Variants in HAO1 observed in about 807,000 individuals in gnomAD.
The protein encoded by HAO1 is hydroxyacid oxidase 1.
HAO1 carries 34 observed loss-of-function variants against 39.7 expected under a neutral mutation model. The ratio of observed to expected loss-of-function variants is 0.86; its 90% confidence interval spans 0.65 to 1.14. The LOEUF (loss-of-function observed/expected upper bound fraction) is 1.14. Ranked by LOEUF, HAO1 falls within the 50% of genes most tolerant of loss-of-function variation. HAO1 has a pLI of 0.00. For synonymous variants in HAO1, 172 were observed against 173.2 expected, an observed-to-expected ratio of 0.99 and a Z score of 0.05; for missense variants, 479 against 464.5, an observed-to-expected ratio of 1.03 and a Z score of -0.29.
chr20:7,891,046 C>G (rs573231353), intron 5 of HAO1, among the ~76,000 whole-genome samples: 1 of 152,230 alleles, frequency 6.6e-6, no homozygotes, highest in East Asian at 1.9e-4. Flanking sequence ...GACTTATTTT[C>G]CTCTGGGTAG....
rs139155033 is a variant in HAO1, at chr20:7,885,747, C to T, written c.931G>A (p.Val311Met). 2.7e-5 allele frequency: 43 copies of T among 1,613,862 alleles called. No individual in the cohort carries two copies. The East Asian group carries it at 9.6e-4, about 36-fold the overall frequency. Residue 311 changes from valine (V) to methionine (M), a missense_variant, in exon 6 of 8, where the codon GTG becomes ATG. Coordinates refer to ENST00000378789, the MANE Select transcript of HAO1 (RefSeq NM_017545.3). ...CAAACGATTGGTCTCCCCACAAACA[C>T]AGCCTTGGCGCCAAGAGCCAGAGCT... ...LKALALGAKA[V>M]FVGRPIVWGL...
rs139157140 is a variant in HAO1, at chr20:7,925,820, G to T, written c.289+8664C>A. On this transcript the variant is annotated intron_variant, in intron 2 of 7. Transcript: ENST00000378789. ...AAGCCACCCAATAGCTTAAATTTTG[G>T]TGCAAAATCGTAGAAATCACTCCAT... Among the ~76,000 whole-genome samples the T allele has an allele frequency of 2.8e-4, 43 of 152,136 alleles. 2 individuals carry two copies. The East Asian group carries it at 7.5e-3, about 27-fold the overall frequency.
intron 2 of HAO1, among the ~76,000 whole-genome samples, chr20:7,916,678 G>T (rs1384890028): frequency 6.6e-6 from 1 of 152,144 alleles, no homozygotes; most frequent in Non-Finnish European, 1.5e-5. Flanking sequence ...AAGTTCAAAT[G>T]AAATAAAATG....
At chr20:7,884,189 G>A (rs1402491163) in intron 7 of HAO1, among the ~76,000 whole-genome samples, 3 of 152,160 alleles carry the variant, frequency 2.0e-5, no homozygotes, top group Admixed American at 6.6e-5. Context: ...ATAGTCACTA[G>A]TAGTATTTTA....
Position 7,883,504 on chromosome 20 carries a change from C to A in HAO1, c.*89G>T, listed in dbSNP as rs1600103030. ...CCCTTTGTATTGAAGTGGGGAATTACAGACTGTGGTCACCCTCTGCACAGT... is the reference window on the plus strand; with the variant it reads ...CCCTTTGTATTGAAGTGGGGAATTAAAGACTGTGGTCACCCTCTGCACAGT... On this transcript the variant is annotated 3_prime_UTR_variant, in exon 8 of 8. Coordinates refer to ENST00000378789, the MANE Select transcript of HAO1 (RefSeq NM_017545.3). 90 of 919,392 alleles carry A rather than the reference C, an allele frequency of 9.8e-5. 3 individuals carry two copies. In the South Asian group the frequency reaches 1.1e-3, roughly 12 times the overall value. The allele number at this position is 919,392 out of a possible 1,614,324, so 57.0% of individuals were successfully genotyped here. A position where few individuals can be genotyped will look rare whatever the true frequency, so the allele number is the denominator to read the frequency against.
At chr20:7,936,046 G>A (rs1366659892) in intron 1 of HAO1, among the ~76,000 whole-genome samples, 4 of 152,190 alleles carry the variant, frequency 2.6e-5, no homozygotes, top group African/African-American at 7.2e-5. Context: ...TAATCGAAGC[G>A]TGCTTCCTGT....
intron 7 of HAO1, among the ~76,000 whole-genome samples, chr20:7,885,121 A>G (rs929597998): frequency 1.3e-5 from 2 of 152,134 alleles, no homozygotes; most frequent in African/African-American, 4.8e-5. Context: ...TGATGGAGAA[A>G]CTGCAGGTGG....
chr20:7,932,640 T>C (rs749394912), intron 2 of HAO1, among the ~76,000 whole-genome samples: 3 of 152,220 alleles, frequency 2.0e-5, no homozygotes, highest in East Asian at 1.9e-4. Flanking sequence ...CAATTTTAAA[T>C]TAAAATATCA....
intron 2 of HAO1, among the ~76,000 whole-genome samples, chr20:7,929,344 G>C (rs2050375979): frequency 6.6e-6 from 1 of 152,100 alleles, no homozygotes; most frequent in Non-Finnish European, 1.5e-5. Flanking sequence ...AGCATTTCTA[G>C]CATTTATTTC....
chr20:7,916,303 G>A (rs938334680), intron 2 of HAO1, among the ~76,000 whole-genome samples: 4 of 152,110 alleles, frequency 2.6e-5, no homozygotes, highest in African/African-American at 7.2e-5. Flanking sequence ...ATATATAAAA[G>A]TATATTATGT....
At position 7,909,381 on chromosome 20, in the gene HAO1, A is replaced by ATACATATATATATATATG. The variant is rs1688390333; in HGVS notation, c.546-3053_546-3052insCATATATATATATATGTA. ...ATGACATATATATATATATATATGT[A>ATACATATATATATATATG]TATATATATATATATATATATATGC... On this transcript the variant is annotated intron_variant, in intron 3 of 7. Coordinates refer to ENST00000378789, the MANE Select transcript of HAO1 (RefSeq NM_017545.3). 1.6e-4 allele frequency among the ~76,000 whole-genome samples: 12 copies of ATACATATATATATATATG among 72,960 alleles called. No homozygotes were observed. The South Asian group carries it at 5.5e-3, about 33-fold the overall frequency. 47.9% of individuals were successfully genotyped at this position (72,960 alleles called of 152,430 possible). A position where few individuals can be genotyped will look rare whatever the true frequency, so the allele number is the denominator to read the frequency against.
chr20:7,911,147 G>A (rs781399512), intron 3 of HAO1, among the ~76,000 whole-genome samples: 5 of 152,172 alleles, frequency 3.3e-5, no homozygotes, highest in African/African-American at 4.8e-5. Context: ...TGAGTGCTAC[G>A]CAGTGAGGCA....
intron 4 of HAO1, among the ~76,000 whole-genome samples, chr20:7,903,219 A>G (rs1376448310): frequency 1.3e-5 from 2 of 152,158 alleles, no homozygotes; most frequent in Non-Finnish European, 2.9e-5. Flanking sequence ...ACAGAAAAGT[A>G]GACGATGTAA....
intron 4 of HAO1, among the ~76,000 whole-genome samples, chr20:7,896,242 A>C (rs931527047): frequency 6.6e-6 from 1 of 152,146 alleles, no homozygotes; most frequent in African/African-American, 2.4e-5. Flanking sequence ...CTAATAACAA[A>C]CCATTTGCTA....
intron 3 of HAO1, among the ~76,000 whole-genome samples, chr20:7,913,069 T>C (rs184360477): frequency 5.9e-5 from 9 of 152,296 alleles, no homozygotes; most frequent in African/African-American, 2.2e-4. Context: ...TGATTTTGGA[T>C]CTTTTCATTT....
At chr20:7,912,846 T>C (rs1362694868) in intron 3 of HAO1, among the ~76,000 whole-genome samples, 1 of 152,170 alleles carries the variant, frequency 6.6e-6, no homozygotes, top group East Asian at 1.9e-4. Context: ...AGAAATGATA[T>C]CCTAAACCAG....
intron 2 of HAO1, among the ~76,000 whole-genome samples, chr20:7,924,223 G>GTTGT (rs1555774937): frequency 0.031 from 4,655 of 149,920 alleles, 81 homozygotes; most frequent in Middle Eastern, 0.063. Flanking sequence ...TGTTGTTGTT[G>GTTGT]TTGTTTGTTT....
At chr20:7,887,651 A>G (rs536320263) in intron 5 of HAO1, among the ~76,000 whole-genome samples, 15 of 152,324 alleles carry the variant, frequency 9.8e-5, no homozygotes, top group Non-Finnish European at 2.2e-4. Flanking sequence ...ATAATTAAGC[A>G]TATTTCCCCA....
intron 5 of HAO1, among the ~76,000 whole-genome samples, chr20:7,886,457 ATAAAAG>A (rs1217811370): frequency 6.6e-6 from 1 of 152,178 alleles, no homozygotes; most frequent in Non-Finnish European, 1.5e-5. Context: ...TATAAAATGT[ATAAAAG>A]TAAATTAAGT....
Sources: allele counts gnomAD v4.1 joint callset (sites outside exome capture counted in the v4.1 genomes callset), GRCh38; gene constraint gnomAD v4.1.1; transcripts MANE v1.5; gene names NCBI Gene and HGNC (gene_info 2026-07-23, HGNC 2026-07-21).